PTK6: variants seen among roughly 807,000 people sequenced by gnomAD.
The protein encoded by PTK6 is protein tyrosine kinase 6, also known as protein-tyrosine kinase 6.
PTK6 carries 47 observed loss-of-function variants against 47.5 expected under a neutral mutation model. The observed-to-expected ratio is 0.99, with a 90% CI of 0.78 to 1.26. The LOEUF is 1.26. PTK6 is among the 50% of genes most tolerant of loss of function. The probability of loss-of-function intolerance (pLI) is 0.00; values close to 1 mark genes in which losing one functional copy is unlikely to be tolerated. For missense variants in PTK6, 618 were observed against 625.3 expected (o/e 0.99, Z 0.12); for synonymous variants, 287 against 276.5 (o/e 1.04, Z -0.38).
Position 63,534,265 on chromosome 20 carries a change from C to T in PTK6, c.403G>A (p.Gly135Ser), listed in dbSNP as rs1387248665. Residue 135 changes from glycine to serine, a missense_variant, in exon 3 of 8, where the codon GGC becomes AGC. Physicochemically the swap from Gly to Ser is moderately conservative, Grantham distance 56. Transcript: ENST00000542869. Reference sequence around the variant, plus strand: ...ACCGCCTCGTTCAGGTGCAGCCGGCCCCCGGCACGCCGCCAGATCTTGTAG... The same window carrying T: ...ACCGCCTCGTTCAGGTGCAGCCGGCTCCCGGCACGCCGCCAGATCTTGTAG... ...RHYKIWRRAG[G>S]RLHLNEAVSF... is the part of the protein sequence containing the mutation. 3.7e-6 allele frequency: 6 copies of T among 1,608,778 alleles called. No homozygotes were observed. The Admixed American group carries it at 6.7e-5, about 18-fold the overall frequency.
Position 63,530,710 on chromosome 20 carries a change from GGCCACGACCCCA to G in PTK6, c.1014+24_1014+35del, listed in dbSNP as rs2082611489. ...GCCCCCAGCCCTCCGGCCACGCCCC[GGCCACGACCCCA>G]GCCACGCCCTCTGAGGGCCCTACCT... is the stretch of plus-strand genomic sequence containing the variant. On this transcript the variant is annotated intron_variant, in intron 6 of 7. Coordinates refer to ENST00000542869, the MANE Select transcript of PTK6 (RefSeq NM_005975.4). The surrounding 1 kb of genome is among the most constrained non-coding windows in gnomAD (Gnocchi z 4.1). 1 of 1,606,614 alleles carries G rather than the reference GGCCACGACCCCA, an allele frequency of 6.2e-7. No individual in the cohort carries two copies. Among genetic ancestry groups the G allele is most frequent in the East Asian group, 2.2e-5 (1 of 44,536 alleles).
At position 63,533,022 on chromosome 20, in the gene PTK6, TA is replaced by T. The variant is rs2082636999; in HGVS notation, c.671-336del. Among the ~76,000 whole-genome samples, 1 of 152,206 alleles carries T rather than the reference TA, an allele frequency of 6.6e-6. No homozygotes were observed. The highest frequency in any genetic ancestry group is 1.5e-5 in the Non-Finnish European group (1 of 68,038). On this transcript the variant is annotated intron_variant, in intron 4 of 7. Transcript: ENST00000542869. This position sits in a 1 kb window ranked among gnomAD's most constrained non-coding sequence, Gnocchi z 4.0. ...TTTACCCATTTCCAGTGATCTATTT[TA>T]ATGGCTTTCCATTACGTCAAGGATT...
At position 63,529,379 on chromosome 20, in the gene PTK6, C is replaced by T. The variant is rs561043060; in HGVS notation, c.*157G>A. The T allele has an allele frequency of 7.4e-5, 58 of 784,040 alleles. No individual in the cohort carries two copies. In the African/African-American group the frequency reaches 8.5e-4, roughly 11 times the overall value. The allele number at this position is 784,040 out of a possible 1,614,324, so 48.6% of individuals were successfully genotyped here. Reference sequence around the variant, plus strand: ...ACGATGGAGTAAGGAGAGGAGCACACGCGTGTATTGGACGCAGACACTCCA... The same window carrying T: ...ACGATGGAGTAAGGAGAGGAGCACATGCGTGTATTGGACGCAGACACTCCA... On this transcript the variant is annotated 3_prime_UTR_variant, in exon 8 of 8. Coordinates refer to ENST00000542869, the MANE Select transcript of PTK6 (RefSeq NM_005975.4). The surrounding 1 kb of genome is among the most constrained non-coding windows in gnomAD (Gnocchi z 5.6).
chr20:63,534,420 T>G, intron 2 of PTK6, 105 bp from the exon 3 acceptor site: 2 of 1,370,626 alleles, frequency 1.5e-6, no homozygotes, highest in Non-Finnish European at 1.9e-6. Flanking sequence ...TCCCCACAGT[T>G]GCTGTTGGTG....
Position 63,533,740 on chromosome 20 carries a change from A to T in PTK6, c.517-36T>A. On this transcript the variant is annotated intron_variant, in intron 3 of 7. Coordinates refer to ENST00000542869, the MANE Select transcript of PTK6 (RefSeq NM_005975.4). This position sits in a 1 kb window ranked among gnomAD's most constrained non-coding sequence, Gnocchi z 4.0. ...AGTCGGGGACACAGGGCAGGGGCTC[A>T]TCCTTCAGGAAGTGCCAGTCTGAAG... The T allele has an allele frequency of 6.3e-7, 1 of 1,583,610 alleles. No homozygotes were observed. The highest frequency in any genetic ancestry group is 8.6e-7 in the Non-Finnish European group (1 of 1,164,416).
rs944254182 is a variant in PTK6, at chr20:63,529,339, A to G, written c.*197T>C. ...AGAGCAGGCTGCGTGTCAGCAGCTG[A>G]GACCCAAGGCACACACGATGGAGTA... is the stretch of plus-strand genomic sequence containing the variant. On this transcript the variant is annotated 3_prime_UTR_variant, in exon 8 of 8. Transcript: ENST00000542869. The surrounding 1 kb of genome is among the most constrained non-coding windows in gnomAD (Gnocchi z 5.6). 11 of 571,680 alleles carry G rather than the reference A, an allele frequency of 1.9e-5. No individual in the cohort carries two copies. Among genetic ancestry groups the G allele is most frequent in the Middle Eastern group, 4.7e-4 (1 of 2,140 alleles). 35.4% of individuals were successfully genotyped at this position (571,680 alleles called of 1,614,324 possible). A position where few individuals can be genotyped will look rare whatever the true frequency, so the allele number is the denominator to read the frequency against.
rs1483884446 is a variant in PTK6 at position 63,533,928 on chromosome 20, T to A, written c.516+224A>T. The stretch of plus-strand genomic sequence containing the variant: ...GAGCCAGGACCCTGCAGAGTGCCGC[T>A]GGCCTCTCCGAGAGTGGCCAGGCCC... On this transcript the variant is annotated intron_variant, in intron 3 of 7. Transcript: ENST00000542869. This position sits in a 1 kb window ranked among gnomAD's most constrained non-coding sequence, Gnocchi z 4.0. 6.6e-6 allele frequency among the ~76,000 whole-genome samples: 1 copy of A among 152,070 alleles called. No homozygotes were observed. The highest frequency in any genetic ancestry group is 1.9e-4 in the East Asian group (1 of 5,154).
At position 63,536,459 on chromosome 20, in the gene PTK6, C is replaced by T. The variant is rs1262058978; in HGVS notation, c.230+626G>A. Among the ~76,000 whole-genome samples the T allele has an allele frequency of 8.6e-5, 13 of 150,898 alleles. No homozygotes were observed. The South Asian group carries it at 1.5e-3, about 17-fold the overall frequency. Reference sequence around the variant, plus strand: ...CTAACCCTACACAGCCTGTGACTCACGCACACACACAGTGGGTGCCCAATC... The same window carrying T: ...CTAACCCTACACAGCCTGTGACTCATGCACACACACAGTGGGTGCCCAATC... On this transcript the variant is annotated intron_variant, in intron 1 of 7. Transcript: ENST00000542869.
At position 63,534,873 on chromosome 20, in the gene PTK6, G is replaced by A. The variant is rs6010959; in HGVS notation, c.352+65C>T. On this transcript the variant is annotated intron_variant, in intron 2 of 7. Coordinates refer to ENST00000542869, the MANE Select transcript of PTK6 (RefSeq NM_005975.4). ...CCAGAGCGAGCCGGGTTCACCACGT[G>A]GCTGGGAGGGCTTAGAGCCAGGAGC... 6,639 of 1,524,078 alleles carry A rather than the reference G, an allele frequency of 4.4e-3. 200 individuals carry two copies. In the African/African-American group the frequency reaches 0.071, roughly 16 times the overall value. 94.4% of individuals were successfully genotyped at this position (1,524,078 alleles called of 1,614,324 possible). A position where few individuals can be genotyped will look rare whatever the true frequency, so the allele number is the denominator to read the frequency against.
Position 63,533,465 on chromosome 20 carries a change from G to T in PTK6, c.670+86C>A. The T allele has an allele frequency of 3.4e-6, 5 of 1,450,928 alleles. No individual in the cohort carries two copies. Among genetic ancestry groups the T allele is most frequent in the Non-Finnish European group, 4.6e-6 (5 of 1,087,588 alleles). 89.9% of individuals were successfully genotyped at this position (1,450,928 alleles called of 1,614,324 possible). A position where few individuals can be genotyped will look rare whatever the true frequency, so the allele number is the denominator to read the frequency against. On this transcript the variant is annotated intron_variant, in intron 4 of 7. Coordinates refer to ENST00000542869, the MANE Select transcript of PTK6 (RefSeq NM_005975.4). This position sits in a 1 kb window ranked among gnomAD's most constrained non-coding sequence, Gnocchi z 4.0. Reference sequence around the variant, plus strand: ...ACGCTGTGGGTGCTGCTTGGGGCTCGAGGCCAGAGGTCCCTGTTGGCGGGG... The same window carrying T: ...ACGCTGTGGGTGCTGCTTGGGGCTCTAGGCCAGAGGTCCCTGTTGGCGGGG...
intron 1 of PTK6, 114 bp downstream of exon 1, chr20:63,536,971 A>T (rs1210632291): frequency 6.2e-6 from 7 of 1,122,626 alleles, no homozygotes; most frequent in Non-Finnish European, 8.8e-6. Flanking sequence ...GTGCAGGAAG[A>T]TGGAACCGGG....
In PTK6 at chr20:63,534,940, G is replaced by C; in HGVS notation, c.350C>G (p.Ser117Trp). 1 of 1,599,392 alleles carries C rather than the reference G, an allele frequency of 6.3e-7. No homozygotes were observed. Among genetic ancestry groups the C allele is most frequent in the Non-Finnish European group, 8.5e-7 (1 of 1,173,942 alleles). The change falls in exon 2 of 8, where the codon TCG (serine) becomes TGG (tryptophan). Residue 117 changes from serine to tryptophan, a missense_variant and splice_region_variant. Transcript: ENST00000542869. ...AGGCTCGGAGGCCGGGGCCGCACCCGACAGGACGTAGTCGGCACTCGGCTT... is the reference window on the plus strand; with the variant it reads ...AGGCTCGGAGGCCGGGGCCGCACCCCACAGGACGTAGTCGGCACTCGGCTT... Reference protein sequence around the residue: ...SEKPSADYVLSVRDTQAVRHY... With the variant: ...SEKPSADYVLWVRDTQAVRHY...
rs1416817292 is a variant in PTK6 at position 63,530,642 on chromosome 20, C to T, written c.1014+104G>A. On this transcript the variant is annotated intron_variant, in intron 6 of 7. Coordinates refer to ENST00000542869, the MANE Select transcript of PTK6 (RefSeq NM_005975.4). This position sits in a 1 kb window ranked among gnomAD's most constrained non-coding sequence, Gnocchi z 4.1. ...AGCCTGGGCTCCCGAGGGCAGGGGCCGCATCCTGCTCCCAGCCGAGTCCCC... is the reference window on the plus strand; with the variant it reads ...AGCCTGGGCTCCCGAGGGCAGGGGCTGCATCCTGCTCCCAGCCGAGTCCCC... 6 of 1,386,178 alleles carry T rather than the reference C, an allele frequency of 4.3e-6. No individual in the cohort carries two copies. The highest frequency in any genetic ancestry group is 1.3e-5 in the South Asian group (1 of 75,308). 85.9% of individuals were successfully genotyped at this position (1,386,178 alleles called of 1,614,324 possible).
Position 63,529,393 on chromosome 20 carries a change from G to A in PTK6, c.*143C>T, listed in dbSNP as rs1024998114. Reference sequence around the variant, plus strand: ...AGAGGAGCACACGCGTGTATTGGACGCAGACACTCCACATTTGTGAACCTT... The same window carrying A: ...AGAGGAGCACACGCGTGTATTGGACACAGACACTCCACATTTGTGAACCTT... On this transcript the variant is annotated 3_prime_UTR_variant, in exon 8 of 8. Coordinates refer to ENST00000542869, the MANE Select transcript of PTK6 (RefSeq NM_005975.4). This position sits in a 1 kb window ranked among gnomAD's most constrained non-coding sequence, Gnocchi z 5.6. 1.2e-5 allele frequency: 11 copies of A among 925,610 alleles called. No individual in the cohort carries two copies. Among genetic ancestry groups the A allele is most frequent in the Admixed American group, 1.0e-4 (3 of 30,138 alleles). 57.3% of individuals were successfully genotyped at this position (925,610 alleles called of 1,614,324 possible).
chr20:63,531,436 AAATATAT>A (rs1282993077), intron 5 of PTK6, among the ~76,000 whole-genome samples: 31 of 106,890 alleles, frequency 2.9e-4, no homozygotes, highest in African/African-American at 1.6e-3. Flanking sequence ...AAAAAAAAAA[AAATATAT>A]ATATATATAT....
intron 1 of PTK6, among the ~76,000 whole-genome samples, 196 bp from the exon 2 acceptor site, chr20:63,535,255 T>A (rs2082655671): frequency 6.6e-6 from 1 of 152,148 alleles, no homozygotes; most frequent in Non-Finnish European, 1.5e-5. Flanking sequence ...GACAGGCCCC[T>A]GAGGACCCGG....
rs774252880 is a variant in PTK6, at chr20:63,534,955, G to A, written c.335C>T (p.Ala112Val). 3.7e-6 allele frequency: 6 copies of A among 1,604,146 alleles called. No individual in the cohort carries two copies. The highest frequency in any genetic ancestry group is 5.1e-6 in the Non-Finnish European group (6 of 1,176,386). Residue 112 changes from alanine (A) to valine (V), a missense_variant, in exon 2 of 8, where the codon GCC (alanine) becomes GTC (valine). Ala to Val is a moderately conservative substitution (Grantham distance 64). Transcript: ENST00000542869. ...GGCCGCACCCGACAGGACGTAGTCG[G>A]CACTCGGCTTCTCGCTGACCCTGAT... is the stretch of plus-strand genomic sequence containing the variant. ...FLIRVSEKPS[A>V]DYVLSVRDTQ...
At chr20:63,531,348 G>A (rs1023356569) in intron 5 of PTK6, among the ~76,000 whole-genome samples, 1 of 149,086 alleles carries the variant, frequency 6.7e-6, no homozygotes, top group African/African-American at 2.5e-5. Context: ...GTGAACCCGG[G>A]AGGCGGAGCT....
At chr20:63,531,437 A>AAAAAT (rs1311835682) in intron 5 of PTK6, among the ~76,000 whole-genome samples, 6 of 94,918 alleles carry the variant, frequency 6.3e-5, no homozygotes, top group Non-Finnish European at 1.1e-4. Flanking sequence ...AAAAAAAAAA[A>AAAAAT]ATATATATAT....
Sources: allele counts gnomAD v4.1 joint callset (sites outside exome capture counted in the v4.1 genomes callset), GRCh38; gene constraint gnomAD v4.1.1; non-coding constraint Gnocchi (gnomAD v3.1); transcripts MANE v1.5; gene names NCBI Gene and HGNC (gene_info 2026-07-23, HGNC 2026-07-21).